Variants in CLIP4 observed in about 807,000 individuals in gnomAD.
CLIP4 encodes CAP-Gly domain-containing linker protein 4.
In CLIP4, 47 loss-of-function variants were observed where a neutral mutation model predicts 73.1. The observed-to-expected ratio is 0.64, with a 90% CI of 0.51 to 0.82. CLIP4 has a LOEUF of 0.82. CLIP4 is among the 40% of genes least tolerant of loss of function. The pLI is 0.00. For synonymous variants in CLIP4, 306 were observed against 295.4 expected (o/e 1.04, Z -0.37); for missense variants, 874 against 852.9 (o/e 1.02, Z -0.31).
intron 7 of CLIP4, 146 bp downstream of exon 7, chr2:29,144,091 G>A: frequency 1.4e-6 from 1 of 696,158 alleles, no homozygotes; most frequent in Non-Finnish European, 2.6e-6. Context: ...GTAAAACTTA[G>A]ATATGAATTT....
chr2:29,150,619 ATAACT>A (rs1666490681), intron 8 of CLIP4, among the ~76,000 whole-genome samples: 1 of 149,856 alleles, frequency 6.7e-6, no homozygotes, highest in African/African-American at 2.5e-5. Flanking sequence ...AATCAAATAC[ATAACT>A]TAATTTTTTT....
At chr2:29,170,426 C>T (rs1240527943) in intron 14 of CLIP4, among the ~76,000 whole-genome samples, 1 of 152,126 alleles carries the variant, frequency 6.6e-6, no homozygotes, top group Non-Finnish European at 1.5e-5. Context: ...TGATGATGTG[C>T]CTGTTCACAT....
upstream of CLIP4, chr2:29,114,837 T>C (rs183446842): frequency 6.6e-6 from 1 of 152,372 alleles, no homozygotes; most frequent in African/African-American, 2.4e-5. Flanking sequence ...TCGGTCATGG[T>C]CTTACTAGGT....
At chr2:29,130,134 A>G (rs1460647245) in intron 2 of CLIP4, 2 of 461,020 alleles carry the variant, frequency 4.3e-6, no homozygotes, top group Non-Finnish European at 9.1e-6. Flanking sequence ...TTACTCTAGA[A>G]CTCCATGGCT....
At chr2:29,117,247 T>C (rs1285411178) in intron 1 of CLIP4, among the ~76,000 whole-genome samples, 2 of 152,256 alleles carry the variant, frequency 1.3e-5, no homozygotes, top group Non-Finnish European at 2.9e-5. Flanking sequence ...TAGCCACATA[T>C]AGCTTTTGAC....
chr2:29,102,390 C>T (rs2148431836), intron 1 of CLIP4, among the ~76,000 whole-genome samples: 1 of 152,234 alleles, frequency 6.6e-6, no homozygotes, highest in East Asian at 1.9e-4. Context: ...CACCTGCCTT[C>T]ACAATCTCTC....
intron 1 of CLIP4, among the ~76,000 whole-genome samples, chr2:29,099,725 C>A (rs983774571): frequency 6.6e-6 from 1 of 152,178 alleles, no homozygotes; most frequent in East Asian, 1.9e-4. Flanking sequence ...TCAACATGTA[C>A]AAAATAATTT....
chr2:29,126,164 G>A (rs192360123), intron 2 of CLIP4, among the ~76,000 whole-genome samples: 1 of 152,312 alleles, frequency 6.6e-6, no homozygotes, highest in East Asian at 1.9e-4. Flanking sequence ...CAGCCTGGGC[G>A]AGAGAGTGAG....
chr2:29,155,404 A>T (rs80061053), intron 9 of CLIP4, among the ~76,000 whole-genome samples: 1 of 36,770 alleles, frequency 2.7e-5, no homozygotes, highest in South Asian at 5.3e-3. Context: ...ACCCAAGTGT[A>T]TACACACACA....
At chr2:29,178,508 GATGAATCATATTCCAT>G (rs1409319887) in intron 15 of CLIP4, among the ~76,000 whole-genome samples, 1 of 152,154 alleles carries the variant, frequency 6.6e-6, no homozygotes, top group Non-Finnish European at 1.5e-5. Context: ...AGCAAAGGGA[GATGAATCATATTCCAT>G]ATGCCCATTT....
At chr2:29,173,482 C>G (rs986217723) in intron 14 of CLIP4, among the ~76,000 whole-genome samples, 1 of 152,182 alleles carries the variant, frequency 6.6e-6, no homozygotes, top group African/African-American at 2.4e-5. Context: ...CCTGTGCAGC[C>G]AGTAAGGTGA....
At position 29,172,439 on chromosome 2, in the gene CLIP4, T is replaced by C. The variant is rs61195287; in HGVS notation, c.1724-1934T>C. On this transcript the variant is annotated intron_variant, in intron 14 of 15. Transcript: ENST00000320081. Reference sequence around the variant, plus strand: ...TTTAAAGATATTTTCCCCCTGCATATTGACAGTATCGTTGTGCTGTTTTTG... The same window carrying C: ...TTTAAAGATATTTTCCCCCTGCATACTGACAGTATCGTTGTGCTGTTTTTG... Among the ~76,000 whole-genome samples the C allele has an allele frequency of 4.0e-3, 613 of 152,310 alleles. 9 individuals are homozygous for C. The highest frequency in any genetic ancestry group is 0.014 in the African/African-American group (588 of 41,584).
At chr2:29,162,511 T>A (rs534220954) in intron 12 of CLIP4, among the ~76,000 whole-genome samples, 2 of 152,362 alleles carry the variant, frequency 1.3e-5, no homozygotes, top group African/African-American at 4.8e-5. Context: ...TTAACACTTG[T>A]CATATGTATT....
intron 15 of CLIP4, among the ~76,000 whole-genome samples, chr2:29,176,983 C>T (rs886816218): frequency 6.6e-6 from 1 of 151,636 alleles, no homozygotes; most frequent in African/African-American, 2.4e-5. Flanking sequence ...GAATGAAGTC[C>T]AGATTTATTG....
intron 14 of CLIP4, among the ~76,000 whole-genome samples, chr2:29,172,473 CATT>C (rs1668074577): frequency 6.6e-6 from 1 of 152,124 alleles, no homozygotes; most frequent in Admixed American, 6.5e-5. Context: ...TGGCTTCTGT[CATT>C]GTTGATGAGA....
Position 29,104,800 on chromosome 2 carries a change from G to A in CLIP4, c.-16+6853G>A, listed in dbSNP as rs1018052167. ...AAATTGCTGAAAATGCAGCTCCCTG[G>A]TAGGTAGGTCACTTGACAAGCTGAG... is the stretch of plus-strand genomic sequence containing the variant. On this transcript the variant is annotated intron_variant, in intron 1 of 14. Transcript: ENST00000401605. 3.3e-5 allele frequency among the ~76,000 whole-genome samples: 5 copies of A among 152,190 alleles called. No homozygotes were observed. In the East Asian group the frequency reaches 9.6e-4, roughly 29 times the overall value.
rs202232554 is a variant in CLIP4, at chr2:29,161,445, AT to A, written c.1534+981del. Among the ~76,000 whole-genome samples the A allele has an allele frequency of 1.0e-3, 156 of 152,234 alleles. 3 individuals carry two copies. In the East Asian group the frequency reaches 0.028, roughly 27 times the overall value. ...GATTAAAAAAAAAAAAGTTTGTAGC[AT>A]TTAGCCAAGAACTATGAGGGATCTG... is the stretch of plus-strand genomic sequence containing the variant. On this transcript the variant is annotated intron_variant, in intron 12 of 15. Transcript: ENST00000320081.
At position 29,133,748 on chromosome 2, in the gene CLIP4, T is replaced by G; in HGVS notation, c.461T>G (p.Leu154Trp). 6.2e-7 allele frequency: 1 copy of G among 1,613,638 alleles called. No individual in the cohort carries two copies. Among genetic ancestry groups the G allele is most frequent in the Non-Finnish European group, 8.5e-7 (1 of 1,179,842 alleles). ...AGTCGCTGGACAAACATGAATGCTT[T>G]GCATTATGCTGCTTATTTTGATGTC... is the stretch of plus-strand genomic sequence containing the variant. ...LRSRWTNMNA[L>W]HYAAYFDVPE... is the part of the protein sequence containing the mutation. Residue 154 changes from leucine (L) to tryptophan (W), a missense_variant, in exon 5 of 16, where the codon TTG becomes TGG. Coordinates refer to ENST00000320081, the MANE Select transcript of CLIP4 (RefSeq NM_024692.6).
chr2:29,152,908 A>AT, intron 9 of CLIP4, 80 bp downstream of exon 9: 1 of 1,469,642 alleles, frequency 6.8e-7, no homozygotes, highest in Non-Finnish European at 9.2e-7. Context: ...AGATTGCTTC[A>AT]CTTTTTTTTG....
Sources: gnomAD v4.1 joint callset for allele counts (sites outside exome capture counted in the v4.1 genomes callset) on GRCh38, gnomAD v4.1.1 for gene constraint, MANE v1.5 for transcripts, NCBI Gene and HGNC (gene_info 2026-07-23, HGNC 2026-07-21) for gene names.